RBM45: variants seen among roughly 807,000 people sequenced by gnomAD.
RBM45 encodes RNA binding motif protein 45, also known as RNA-binding protein 45.
RBM45 carries 39 observed loss-of-function variants against 58.5 expected under a neutral mutation model. The ratio of observed to expected loss-of-function variants is 0.67; its 90% CI spans 0.52 to 0.87. The LOEUF is 0.87. Among genes scored for constraint, RBM45 ranks in the 40% least tolerant of loss-of-function variants. RBM45 has a pLI of 0.00. For missense variants in RBM45, 481 were observed against 581.6 expected, an observed-to-expected ratio of 0.83 and a Z score of 1.78; for synonymous variants, 193 against 203.0, an observed-to-expected ratio of 0.95 and a Z score of 0.42.
exon 4 of RBM45, chr2:178,138,960 A>G (rs2088066453): frequency 6.6e-6 from 1 of 151,952 alleles, no homozygotes; most frequent in Non-Finnish European, 1.5e-5. Context: ...ATGTAAGATT[A>G]AGAATCTTTT....
At chr2:178,125,654 T>C (rs1199229533) in intron 8 of RBM45, 1 of 493,510 alleles carries the variant, frequency 2.0e-6, no homozygotes, top group African/African-American at 2.0e-5. Flanking sequence ...GGGGAGCTGC[T>C]GAGGGGACTT....
intron 9 of RBM45, among the ~76,000 whole-genome samples, chr2:178,127,492 A>G (rs1473259600): frequency 6.6e-6 from 1 of 152,218 alleles, no homozygotes; most frequent in African/African-American, 2.4e-5. Flanking sequence ...AACAGATCAC[A>G]TGATTAGTTC....
In RBM45 at chr2:178,120,293, G is replaced by A; in HGVS notation, c.557G>A (p.Arg186Lys). ...QAIENCDRSF[R>K]AILAEPKNKA... ...ATTCATGGGGTTTTTTCAGGTTTTA[G>A]AGCAATCTTGGCTGAACCTAAAAAT... Residue 186 changes from arginine (R) to lysine (K), a missense_variant, in exon 4 of 10, where the codon AGA becomes AAA. Coordinates refer to ENST00000286070, the MANE Select transcript of RBM45 (RefSeq NM_152945.4). 1 of 1,612,182 alleles carries A rather than the reference G, an allele frequency of 6.2e-7. No individual in the cohort carries two copies. Among genetic ancestry groups the A allele is most frequent in the Non-Finnish European group, 8.5e-7 (1 of 1,179,330 alleles).
At chr2:178,113,868 C>T (rs1022499567) in intron 1 of RBM45, among the ~76,000 whole-genome samples, 1 of 152,106 alleles carries the variant, frequency 6.6e-6, no homozygotes, top group African/African-American at 2.4e-5. Context: ...AATTGTTTTC[C>T]AAACTGAGAA....
At position 178,124,108 on chromosome 2, in the gene RBM45, G is replaced by A. The variant is rs1467883382; in HGVS notation, c.1069-19G>A. ...TAAAGGGCATTTTTTTCTTTTTCTT[G>A]TTTTCTACCTGTTAACAGCAATTTG... On this transcript the variant is annotated intron_variant, in intron 7 of 9. Transcript: ENST00000286070. 3 of 1,570,202 alleles carry A rather than the reference G, an allele frequency of 1.9e-6. No homozygotes were observed. The highest frequency in any genetic ancestry group is 2.6e-6 in the Non-Finnish European group (3 of 1,164,806).
rs542253600 is a variant in RBM45 at position 178,112,654 on chromosome 2, A to G, written c.108A>G (p.Thr36=). Residue 36 remains threonine, a synonymous_variant, in exon 1 of 10, where the codon ACA becomes ACG. Transcript: ENST00000286070. ...TCTTCCTTGTGATCAGCAAGTACAC[A>G]CCTGAGTCGGTGCTGAGGGAGCGCT... The part of the protein sequence containing the change: ...SRIFLVISKY[T]PESVLRERFS... 1.9e-6 allele frequency: 3 copies of G among 1,614,136 alleles called. No individual in the cohort carries two copies. In the Admixed American group the frequency reaches 5.0e-5, roughly 27 times the overall value.
rs2087719561 is a variant in RBM45, at chr2:178,112,701, A to G, written c.155A>G (p.Gln52Arg). ...RERFSPFGDIQDIWVVRDKHT... is the reference protein window; with the variant it reads ...RERFSPFGDIRDIWVVRDKHT... ...CGCTTCTCGCCTTTTGGCGACATCC[A>G]GGACATCTGGGTGGTGCGGGACAAG... is the stretch of plus-strand genomic sequence containing the variant. The change falls in exon 1 of 10, where the codon CAG becomes CGG. Residue 52 changes from glutamine to arginine, a missense_variant. By Grantham distance (43) the Gln-to-Arg change is conservative. Transcript: ENST00000286070. The G allele has an allele frequency of 6.2e-7, 1 of 1,614,214 alleles. No homozygotes were observed. The highest frequency in any genetic ancestry group is 1.3e-5 in the African/African-American group (1 of 75,076).
chr2:178,129,707 C>T (rs1420254880), downstream of RBM45: 3 of 152,602 alleles, frequency 2.0e-5, no homozygotes, highest in African/African-American at 2.4e-5. Context: ...AATAGACAGT[C>T]TTTAGAATTT....
chr2:178,115,147 TC>T (rs1461411178), intron 1 of RBM45, among the ~76,000 whole-genome samples: 1 of 152,132 alleles, frequency 6.6e-6, no homozygotes, highest in Non-Finnish European at 1.5e-5. Flanking sequence ...AAGAAAAAAA[TC>T]TTGGCTGTAG....
intron 9 of RBM45, among the ~76,000 whole-genome samples, chr2:178,127,855 A>G (rs1288004588): frequency 6.6e-6 from 1 of 152,104 alleles, no homozygotes; most frequent in African/African-American, 2.4e-5. Flanking sequence ...AATAATATAG[A>G]CTTTAGACTT....
downstream of RBM45, among the ~76,000 whole-genome samples, chr2:178,132,650 G>T (rs144579406): frequency 0.022 from 3,281 of 152,242 alleles, 80 homozygotes; most frequent in African/African-American, 0.063. Flanking sequence ...GAGTACAATG[G>T]TGCGATCTCA....
chr2:178,120,642 T>C (rs1182119094), intron 4 of RBM45, among the ~76,000 whole-genome samples: 2 of 152,180 alleles, frequency 1.3e-5, no homozygotes, highest in Non-Finnish European at 2.9e-5. Context: ...AGTTACGCAT[T>C]CCTCATATTA....
Position 178,121,417 on chromosome 2 carries a change from C to T in RBM45, c.853+58C>T, listed in dbSNP as rs1259346153. ...ATATGTATATATACACACACACACA[C>T]ACACACACACACACACACACACACA... On this transcript the variant is annotated intron_variant, in intron 5 of 9. Transcript: ENST00000286070. The T allele has an allele frequency of 5.7e-3, 3,727 of 659,080 alleles. 108 individuals are homozygous for T. The highest frequency in any genetic ancestry group is 7.6e-3 in the Middle Eastern group (16 of 2,092). 40.8% of individuals were successfully genotyped at this position (659,080 alleles called of 1,614,324 possible). A position where few individuals can be genotyped will look rare whatever the true frequency, so the allele number is the denominator to read the frequency against.
At chr2:178,119,830 C>T (rs553305564) in intron 3 of RBM45, among the ~76,000 whole-genome samples, 4 of 152,138 alleles carry the variant, frequency 2.6e-5, no homozygotes, top group Admixed American at 2.6e-4. Context: ...GCAAAAAAAA[C>T]AGTTAAAGGG....
chr2:178,130,696 C>T (rs1574416848), downstream of RBM45, among the ~76,000 whole-genome samples: 5 of 152,146 alleles, frequency 3.3e-5, no homozygotes, highest in South Asian at 1.0e-3. Flanking sequence ...AAATGACATG[C>T]ATTTGTTAAA....
chr2:178,124,216 T>C lies in RBM45; in HGVS notation c.1158T>C (p.Thr386=). The C allele has an allele frequency of 6.2e-7, 1 of 1,610,316 alleles. No homozygotes were observed. Among genetic ancestry groups the C allele is most frequent in the Non-Finnish European group, 8.5e-7 (1 of 1,178,144 alleles). ...GCAAAAAAAAAGCTCCTGCTGAAAC[T>C]CCTGTGAAAGAAAGACTTTTTATTG... The part of the protein sequence containing the change: ...PSCKKKAPAE[T]PVKERLFIVF... The change falls in exon 8 of 10, where the codon ACT becomes ACC. Residue 386 remains threonine (T), a synonymous_variant. Transcript: ENST00000286070.
chr2:178,126,458 T>TTA (rs2153906005), intron 9 of RBM45, among the ~76,000 whole-genome samples: 1 of 152,312 alleles, frequency 6.6e-6, no homozygotes, highest in Non-Finnish European at 1.5e-5. Context: ...TATTATGTGC[T>TTA]TATATAAACT....
chr2:178,116,780 C>T (rs2087782612), intron 2 of RBM45, among the ~76,000 whole-genome samples: 1 of 151,954 alleles, frequency 6.6e-6, no homozygotes, highest in African/African-American at 2.4e-5. Context: ...TTTTATCACT[C>T]CCCTCTATTG....
At chr2:178,113,300 G>T (rs1055642321) in intron 1 of RBM45, among the ~76,000 whole-genome samples, 6 of 80,034 alleles carry the variant, frequency 7.5e-5, no homozygotes, top group Non-Finnish European at 1.2e-4. Flanking sequence ...TTAACAACTT[G>T]ACAGAAGTAC....
Sources: allele counts gnomAD v4.1 joint callset (sites outside exome capture counted in the v4.1 genomes callset), GRCh38; gene constraint gnomAD v4.1.1; transcripts MANE v1.5; gene names NCBI Gene and HGNC (gene_info 2026-07-23, HGNC 2026-07-21).